Variants in CSMD1 observed in about 807,000 individuals in gnomAD.
CSMD1 encodes the protein CUB and Sushi multiple domains 1, also known as CUB and sushi domain-containing protein 1.
CSMD1 carries 213 observed loss-of-function variants against 417.5 expected under a neutral mutation model. That is an observed-to-expected ratio of 0.51 (90% CI 0.46 to 0.57). The LOEUF (loss-of-function observed/expected upper bound fraction) is 0.57, where lower values mean the gene tolerates loss of function less well. CSMD1 is among the 20% of genes least tolerant of loss of function. CSMD1 has a pLI of 0.00. For synonymous variants in CSMD1, 2,862 were observed against 1,736.8 expected, an observed-to-expected ratio of 1.65 and a Z score of -16.11; for missense variants, 6,923 against 4,529.7, an observed-to-expected ratio of 1.53 and a Z score of -15.17.
At chr8:4,868,336 C>T (rs144342805) in intron 1 of CSMD1, among the ~76,000 whole-genome samples, 2 of 151,908 alleles carry the variant, frequency 1.3e-5, no homozygotes, top group African/African-American at 4.8e-5. Flanking sequence ...TGGGTTCGAG[C>T]GATTCGCCTG....
chr8:4,369,110 G>A (rs1385022898), intron 3 of CSMD1, among the ~76,000 whole-genome samples: 1 of 152,048 alleles, frequency 6.6e-6, no homozygotes, highest in Non-Finnish European at 1.5e-5. Context: ...TCTTAACACT[G>A]ATTTAGCTGT....
intron 3 of CSMD1, among the ~76,000 whole-genome samples, chr8:4,278,236 G>A (rs1055195502): frequency 2.6e-5 from 4 of 152,162 alleles, no homozygotes; most frequent in Non-Finnish European, 4.4e-5. Flanking sequence ...GTTCAGTGAA[G>A]TATAGTGATT....
At chr8:3,326,936 G>A (rs984414670) in intron 23 of CSMD1, among the ~76,000 whole-genome samples, 4 of 151,968 alleles carry the variant, frequency 2.6e-5, no homozygotes, top group African/African-American at 9.7e-5. Flanking sequence ...CGGCTCTTAG[G>A]GAGGAAGAGG....
At chr8:3,579,732 G>C (rs1050744150) in intron 9 of CSMD1, among the ~76,000 whole-genome samples, 2 of 152,120 alleles carry the variant, frequency 1.3e-5, no homozygotes, top group African/African-American at 2.4e-5. Context: ...TATTTAATTA[G>C]AATAATCATA....
At chr8:3,878,036 C>T (rs756833934) in intron 5 of CSMD1, among the ~76,000 whole-genome samples, 3 of 151,772 alleles carry the variant, frequency 2.0e-5, no homozygotes, top group Non-Finnish European at 4.4e-5. Context: ...TTATTAGTAC[C>T]TCCATCTAAT....
intron 3 of CSMD1, among the ~76,000 whole-genome samples, chr8:4,327,405 G>A (rs987037985): frequency 2.0e-5 from 3 of 152,132 alleles, no homozygotes; most frequent in Admixed American, 6.6e-5. Flanking sequence ...ATTTCCTTGG[G>A]CAAATTGCAG....
chr8:3,505,170 G>A (rs1192521918), intron 10 of CSMD1, among the ~76,000 whole-genome samples: 1 of 152,164 alleles, frequency 6.6e-6, no homozygotes, highest in Non-Finnish European at 1.5e-5. Context: ...AAAGAGGGTA[G>A]AGTAAGTATT....
intron 3 of CSMD1, among the ~76,000 whole-genome samples, chr8:4,407,803 C>G (rs190168989): frequency 2.6e-5 from 4 of 152,168 alleles, no homozygotes; most frequent in South Asian, 2.1e-4. Context: ...AGTATTGTGG[C>G]ATATGAGAAG....
intron 3 of CSMD1, among the ~76,000 whole-genome samples, chr8:4,379,220 A>C (rs1802944872): frequency 6.6e-6 from 1 of 152,208 alleles, no homozygotes; most frequent in Admixed American, 6.5e-5. Flanking sequence ...CAACCAAATT[A>C]TGGGAAAATA....
chr8:4,623,337 C>A (rs146864208), intron 2 of CSMD1, among the ~76,000 whole-genome samples: 9 of 152,108 alleles, frequency 5.9e-5, no homozygotes, highest in Non-Finnish European at 1.2e-4. Flanking sequence ...GCTGAGTACA[C>A]TAAATATAGC....
At chr8:4,435,387 G>A (rs544775014) in intron 2 of CSMD1, among the ~76,000 whole-genome samples, 1 of 152,286 alleles carries the variant, frequency 6.6e-6, no homozygotes, top group South Asian at 2.1e-4. Context: ...AGTTCCTGCA[G>A]TGTGATATCA....
intron 26 of CSMD1, among the ~76,000 whole-genome samples, chr8:3,262,187 A>G (rs1801120272): frequency 2.1e-5 from 1 of 46,836 alleles, no homozygotes; most frequent in Non-Finnish European, 4.2e-5. Flanking sequence ...TCATATGAAT[A>G]TATATATATA....
At chr8:4,943,766 C>G (rs548734973) in intron 1 of CSMD1, among the ~76,000 whole-genome samples, 7 of 152,218 alleles carry the variant, frequency 4.6e-5, no homozygotes, top group African/African-American at 1.7e-4. Flanking sequence ...TGGTAAGTTA[C>G]TTTCCCTGAA....
intron 7 of CSMD1, among the ~76,000 whole-genome samples, chr8:3,694,616 A>C (rs1800446510): frequency 6.6e-6 from 1 of 151,994 alleles, no homozygotes; most frequent in Non-Finnish European, 1.5e-5. Flanking sequence ...GGAAGGACCC[A>C]GCCCTGGGCA....
intron 6 of CSMD1, among the ~76,000 whole-genome samples, chr8:3,713,081 G>C (rs894758412): frequency 6.6e-6 from 1 of 152,006 alleles, no homozygotes; most frequent in East Asian, 1.9e-4. Context: ...TAAATATGAC[G>C]AATCTCTTTT....
chr8:3,549,367 G>C (rs886966755), intron 10 of CSMD1, among the ~76,000 whole-genome samples: 1 of 152,172 alleles, frequency 6.6e-6, no homozygotes, highest in Non-Finnish European at 1.5e-5. Flanking sequence ...GTCTCAGATA[G>C]ACAGATCTAG....
intron 2 of CSMD1, among the ~76,000 whole-genome samples, chr8:4,507,357 A>G (rs934578584): frequency 6.6e-6 from 1 of 152,062 alleles, no homozygotes; most frequent in Non-Finnish European, 1.5e-5. Flanking sequence ...TGTTTACAAG[A>G]CTCTCCCATT....
Position 3,197,219 on chromosome 8 carries a change from C to G in CSMD1, c.5194+2495G>C, listed in dbSNP as rs77043030. On this transcript the variant is annotated intron_variant, in intron 33 of 69. Transcript: ENST00000635120. The stretch of plus-strand genomic sequence containing the variant: ...GAAGCAGAAGGCTAGAGACCATGAT[C>G]TGTGCATGTCTGGAGTCACACGTTT... 3.0e-3 allele frequency among the ~76,000 whole-genome samples: 461 copies of G among 151,184 alleles called. 20 individuals carry two copies. In the East Asian group the frequency reaches 0.077, roughly 25 times the overall value.
chr8:3,129,822 C>G (rs1299961209), intron 41 of CSMD1, among the ~76,000 whole-genome samples: 1 of 151,586 alleles, frequency 6.6e-6, no homozygotes, highest in African/African-American at 2.4e-5. Flanking sequence ...AACCCTGTCT[C>G]TACTAAAAAT....
Sources: allele counts gnomAD v4.1 joint callset (sites outside exome capture counted in the v4.1 genomes callset), GRCh38; gene constraint gnomAD v4.1.1; transcripts MANE v1.5; gene names NCBI Gene and HGNC (gene_info 2026-07-23, HGNC 2026-07-21).